The following KALRN variants were observed in gnomAD, a reference collection of about 807,000 sequenced individuals.
KALRN encodes the protein kalirin.
In KALRN, 70 loss-of-function variants were observed where a neutral mutation model predicts 353.7. That is an observed-to-expected ratio of 0.20 (90% CI 0.16 to 0.24). The LOEUF is 0.24. Ranked by LOEUF, KALRN falls within the 10% of genes least tolerant of loss-of-function variation. The probability of loss-of-function intolerance (pLI) is 1.00; values close to 1 mark genes in which losing one functional copy is unlikely to be tolerated. For synonymous variants in KALRN, 1,391 were observed against 1,434.8 expected, an observed-to-expected ratio of 0.97 and a Z score of 0.69; for missense variants, 2,791 against 3,756.7, an observed-to-expected ratio of 0.74 and a Z score of 6.72.
Position 124,634,912 on chromosome 3 carries a change from C to T in KALRN, c.5568+959C>T, listed in dbSNP as rs369838881. On this transcript the variant is annotated intron_variant, in intron 36 of 59. Transcript: ENST00000682506. ...TGCCCTGTAGTGGGACAGCCTCCTG[C>T]GGGTGTGTCCTTTCTGGTGACATCT... Among the ~76,000 whole-genome samples, 136 of 152,264 alleles carry T rather than the reference C, an allele frequency of 8.9e-4. 1 individual carries two copies. In the South Asian group the frequency reaches 0.015, roughly 16 times the overall value.
chr3:124,116,644 C>G (rs1559993751), intron 1 of KALRN, among the ~76,000 whole-genome samples: 1 of 152,162 alleles, frequency 6.6e-6, no homozygotes, highest in Non-Finnish European at 1.5e-5. Context: ...ATGCCTGAAA[C>G]CACAGATAGT....
chr3:124,451,412 C>A (rs2058767428), intron 21 of KALRN, among the ~76,000 whole-genome samples: 1 of 152,076 alleles, frequency 6.6e-6, no homozygotes. Context: ...ACATGAAGCC[C>A]AAGATAAGTG....
At chr3:124,609,996 T>A (rs2077755586) in intron 34 of KALRN, among the ~76,000 whole-genome samples, 1 of 152,210 alleles carries the variant, frequency 6.6e-6, no homozygotes, top group South Asian at 2.1e-4. Flanking sequence ...TCATTTAATA[T>A]TTAGAACATA....
At chr3:124,595,316 G>A (rs536649746) in intron 34 of KALRN, among the ~76,000 whole-genome samples, 6 of 151,980 alleles carry the variant, frequency 3.9e-5, no homozygotes, top group African/African-American at 1.4e-4. Context: ...GCTCAGACAG[G>A]GATTGTTAAA....
intron 34 of KALRN, among the ~76,000 whole-genome samples, chr3:124,598,432 C>G (rs73191639): frequency 0.04 from 6,061 of 152,280 alleles, 141 homozygotes; most frequent in East Asian, 0.073. Flanking sequence ...GTGAAGTCTT[C>G]CCAGAGATCC....
At chr3:124,080,224 A>C (rs2060472361) in intron 1 of KALRN, 1 of 255,446 alleles carries the variant, frequency 3.9e-6, no homozygotes, top group Non-Finnish European at 8.6e-6. Flanking sequence ...TGAAAGCCCA[A>C]GAATTTGTAT....
intron 1 of KALRN, among the ~76,000 whole-genome samples, chr3:124,048,402 A>T (rs1221470300): frequency 6.6e-6 from 1 of 152,168 alleles, no homozygotes; most frequent in Non-Finnish European, 1.5e-5. Context: ...AAAGAGGATC[A>T]TGTTATACCT....
At chr3:124,681,969 A>G (rs1441902241) in intron 51 of KALRN, among the ~76,000 whole-genome samples, 4 of 152,196 alleles carry the variant, frequency 2.6e-5, no homozygotes, top group Admixed American at 1.3e-4. Flanking sequence ...CCAGCTTCAA[A>G]TTAACTTTGA....
At chr3:124,480,948 TTATC>T (rs1311136481) in intron 27 of KALRN, among the ~76,000 whole-genome samples, 2 of 152,240 alleles carry the variant, frequency 1.3e-5, no homozygotes, top group African/African-American at 4.8e-5. Flanking sequence ...GTTTTTCCAT[TTATC>T]AATTCATGGA....
intron 1 of KALRN, among the ~76,000 whole-genome samples, chr3:124,217,481 T>C (rs10049036): frequency 0.94 from 143,169 of 152,170 alleles, 67,969 homozygotes; most frequent in East Asian, 1. Context: ...TGTGCGTGTA[T>C]GGGTACGTAC....
intron 31 of KALRN, 33 bp downstream of exon 31, chr3:124,491,457 G>C (rs1404305024): frequency 3.4e-6 from 5 of 1,488,346 alleles, no homozygotes; most frequent in Non-Finnish European, 4.6e-6. Flanking sequence ...CACAAACTAG[G>C]GTTGGGGATA....
chr3:124,484,550 C>T (rs913397858), intron 28 of KALRN, among the ~76,000 whole-genome samples: 1 of 152,126 alleles, frequency 6.6e-6, no homozygotes, highest in African/African-American at 2.4e-5. Context: ...GCTTTCCCTT[C>T]TTTGTTTTTT....
chr3:124,475,777 T>C (rs746320966), intron 26 of KALRN, among the ~76,000 whole-genome samples: 11 of 152,182 alleles, frequency 7.2e-5, no homozygotes, highest in Non-Finnish European at 1.0e-4. Context: ...GATAAGCTTT[T>C]TTTCATGAAA....
chr3:124,417,302 C>G (rs1466876029), intron 14 of KALRN, among the ~76,000 whole-genome samples: 1 of 152,214 alleles, frequency 6.6e-6, no homozygotes, highest in Non-Finnish European at 1.5e-5. Flanking sequence ...CTGTGGCACG[C>G]CTTGATTCCT....
intron 3 of KALRN, among the ~76,000 whole-genome samples, chr3:124,245,581 C>T (rs1202749214): frequency 6.6e-6 from 1 of 151,832 alleles, no homozygotes; most frequent in African/African-American, 2.4e-5. Context: ...TCTGTAGTTG[C>T]TGTACTAACT....
At chr3:124,261,977 A>C (rs1191599536) in intron 3 of KALRN, among the ~76,000 whole-genome samples, 1 of 152,216 alleles carries the variant, frequency 6.6e-6, no homozygotes, top group Non-Finnish European at 1.5e-5. Flanking sequence ...TTTACAGGCC[A>C]AAAAGCAATA....
At chr3:124,236,029 G>T (rs568063761) in intron 3 of KALRN, among the ~76,000 whole-genome samples, 2 of 152,326 alleles carry the variant, frequency 1.3e-5, no homozygotes, top group African/African-American at 4.8e-5. Context: ...TGATGGGCAG[G>T]TAGTAAAGGG....
At position 124,307,691 on chromosome 3, in the gene KALRN, C is replaced by CA. The variant is rs1358181595; in HGVS notation, c.1092+8785dup. 6.6e-5 allele frequency among the ~76,000 whole-genome samples: 10 copies of CA among 151,314 alleles called. No homozygotes were observed. The East Asian group carries it at 1.6e-3, about 23-fold the overall frequency. On this transcript the variant is annotated intron_variant, in intron 6 of 59. Coordinates refer to ENST00000682506, the MANE Select transcript of KALRN (RefSeq NM_001388419.1). ...CTACACTACAAAATACTCACTTATG[C>CA]AAAAAAAGCAGTACAGGGTTATAGA... is the stretch of plus-strand genomic sequence containing the variant.
chr3:124,107,423 C>T (rs915077726), intron 1 of KALRN, among the ~76,000 whole-genome samples: 2 of 152,134 alleles, frequency 1.3e-5, no homozygotes, highest in African/African-American at 2.4e-5. Flanking sequence ...CTCCCATCCT[C>T]GGTAATATAC....
Sources: gnomAD v4.1 joint callset for allele counts (sites outside exome capture counted in the v4.1 genomes callset) on GRCh38, gnomAD v4.1.1 for gene constraint, MANE v1.5 for transcripts, NCBI Gene and HGNC (gene_info 2026-07-23, HGNC 2026-07-21) for gene names.